SH2D4B: variants seen among roughly 807,000 people sequenced by gnomAD.
SH2D4B encodes SH2 domain containing 4B.
SH2D4B carries 45 observed loss-of-function variants against 61.5 expected under a neutral mutation model. The observed-to-expected ratio is 0.73, with a 90% CI of 0.58 to 0.94. SH2D4B has a LOEUF of 0.94. Ranked by LOEUF, SH2D4B falls within the 40% of genes least tolerant of loss-of-function variation. SH2D4B has a pLI of 0.00. For synonymous variants in SH2D4B, 224 were observed against 220.4 expected, an observed-to-expected ratio of 1.02 and a Z score of -0.14; for missense variants, 572 against 574.2, an observed-to-expected ratio of 1.00 and a Z score of 0.04.
chr10:80,551,619 C>G (rs958261931), intron 1 of SH2D4B, among the ~76,000 whole-genome samples: 3 of 152,052 alleles, frequency 2.0e-5, no homozygotes, highest in Non-Finnish European at 4.4e-5. Context: ...ACTAATAAAC[C>G]ACTTCCACTC....
intron 6 of SH2D4B, among the ~76,000 whole-genome samples, chr10:80,627,518 T>C (rs79298196): frequency 6.6e-6 from 1 of 152,032 alleles, no homozygotes; most frequent in South Asian, 2.1e-4. Context: ...AGTCTAAACA[T>C]CACTTCCGCC....
At chr10:80,636,428 T>C (rs1050440997) in intron 7 of SH2D4B, among the ~76,000 whole-genome samples, 4 of 152,206 alleles carry the variant, frequency 2.6e-5, no homozygotes, top group Admixed American at 2.6e-4. Flanking sequence ...TGTAAAAGTG[T>C]TCCTATTTCT....
chr10:80,538,038 G>A lies in SH2D4B; in HGVS notation c.-294G>A, dbSNP rs915904741. 10 of 188,968 alleles carry A rather than the reference G, an allele frequency of 5.3e-5. No homozygotes were observed. In the East Asian group the frequency reaches 8.5e-4, roughly 16 times the overall value. The allele number at this position is 188,968 out of a possible 1,614,324, so 11.7% of individuals were successfully genotyped here. On this transcript the variant is annotated 5_prime_UTR_variant, in exon 1 of 8. It adds an upstream start codon to the 5' untranslated region. Transcript: ENST00000646907. This position sits in a 1 kb window ranked among gnomAD's most constrained non-coding sequence, Gnocchi z 4.8. ...AAGACATGGGCTCTCCTGGGATGCCGTGCTTGGTGACCCAGGAGAAGGACT... is the reference window on the plus strand; with the variant it reads ...AAGACATGGGCTCTCCTGGGATGCCATGCTTGGTGACCCAGGAGAAGGACT...
At chr10:80,552,143 A>G (rs1841769621) in intron 1 of SH2D4B, among the ~76,000 whole-genome samples, 1 of 152,158 alleles carries the variant, frequency 6.6e-6, no homozygotes, top group Non-Finnish European at 1.5e-5. Flanking sequence ...TAGGGTTTCA[A>G]TGTATGAATT....
intron 1 of SH2D4B, among the ~76,000 whole-genome samples, chr10:80,543,331 C>G (rs949865084): frequency 6.6e-6 from 1 of 152,106 alleles, no homozygotes; most frequent in African/African-American, 2.4e-5. Flanking sequence ...GGGCGGACCC[C>G]GCACTCGGAG....
intron 1 of SH2D4B, among the ~76,000 whole-genome samples, chr10:80,550,403 C>A (rs1197459595): frequency 6.6e-6 from 1 of 152,118 alleles, no homozygotes; most frequent in East Asian, 1.9e-4. Flanking sequence ...ACCATCCTGG[C>A]TAACATGGTG....
intron 6 of SH2D4B, among the ~76,000 whole-genome samples, chr10:80,625,949 A>G (rs1842763721): frequency 6.6e-6 from 1 of 152,278 alleles, no homozygotes; most frequent in South Asian, 2.1e-4. Flanking sequence ...GGCTGACTCT[A>G]TATATCTTTA....
chr10:80,611,403 C>A (rs2132145998), intron 6 of SH2D4B, among the ~76,000 whole-genome samples: 1 of 152,284 alleles, frequency 6.6e-6, no homozygotes, highest in South Asian at 2.1e-4. Flanking sequence ...AGACCTCTTT[C>A]TTCTCCCAGG....
At chr10:80,585,838 GC>G (rs1056064211) in intron 3 of SH2D4B, among the ~76,000 whole-genome samples, 1 of 152,118 alleles carries the variant, frequency 6.6e-6, no homozygotes, top group African/African-American at 2.4e-5. Context: ...GCTGGCCAAG[GC>G]CAGAGCCGGC....
chr10:80,564,515 C>T (rs192045725), intron 1 of SH2D4B, among the ~76,000 whole-genome samples: 70 of 152,308 alleles, frequency 4.6e-4, no homozygotes, highest in Middle Eastern at 6.8e-3. Flanking sequence ...CCTTTGGGTC[C>T]TCCTCCTCTT....
At chr10:80,624,012 T>C (rs987882566) in intron 6 of SH2D4B, among the ~76,000 whole-genome samples, 1 of 152,178 alleles carries the variant, frequency 6.6e-6, no homozygotes, top group Non-Finnish European at 1.5e-5. Context: ...CGACGGGGGC[T>C]GATGGCTCTC....
intron 1 of SH2D4B, among the ~76,000 whole-genome samples, chr10:80,566,090 C>CAAAAAA (rs60774703): frequency 1.3e-4 from 3 of 23,812 alleles, no homozygotes; most frequent in African/African-American, 5.1e-4. Flanking sequence ...GACTCCGGCT[C>CAAAAAA]AAAAAAAAAA....
intron 1 of SH2D4B, among the ~76,000 whole-genome samples, chr10:80,567,554 A>C (rs370550145): frequency 2.0e-5 from 3 of 151,972 alleles, no homozygotes; most frequent in Non-Finnish European, 4.4e-5. Flanking sequence ...AATACCTGTC[A>C]CCCCTAAGGC....
At chr10:80,588,228 T>G (rs1412445983) in intron 3 of SH2D4B, among the ~76,000 whole-genome samples, 1 of 152,072 alleles carries the variant, frequency 6.6e-6, no homozygotes, top group Non-Finnish European at 1.5e-5. Flanking sequence ...AGGTAAGAAA[T>G]ATAACAATGT....
chr10:80,600,738 C>T (rs1229281013), intron 4 of SH2D4B, among the ~76,000 whole-genome samples: 24 of 152,098 alleles, frequency 1.6e-4, no homozygotes, highest in Non-Finnish European at 8.8e-5. Flanking sequence ...CTTTGTGTGA[C>T]AAATGGCTCA....
At chr10:80,581,341 T>A (rs547542429) in intron 3 of SH2D4B, among the ~76,000 whole-genome samples, 2 of 152,318 alleles carry the variant, frequency 1.3e-5, no homozygotes, top group African/African-American at 4.8e-5. Context: ...ATCCACTGTG[T>A]GCCAGTCATT....
Position 80,645,429 on chromosome 10 carries a change from A to G in SH2D4B, c.*1344A>G, listed in dbSNP as rs1287678771. 1 of 152,218 alleles carries G rather than the reference A, an allele frequency of 6.6e-6. No individual in the cohort carries two copies. Among genetic ancestry groups the G allele is most frequent in the East Asian group, 1.9e-4 (1 of 5,200 alleles). The allele number at this position is 152,218 out of a possible 1,614,324, so 9.4% of individuals were successfully genotyped here. Reference sequence around the variant, plus strand: ...CATGCCCCATCTCCCATTGCTGCAGAGGCATAAGACAGAAGAGATGGGAAG... The same window carrying G: ...CATGCCCCATCTCCCATTGCTGCAGGGGCATAAGACAGAAGAGATGGGAAG... On this transcript the variant is annotated 3_prime_UTR_variant, in exon 8 of 8. Transcript: ENST00000646907.
intron 7 of SH2D4B, among the ~76,000 whole-genome samples, chr10:80,641,734 A>G (rs1840314248): frequency 6.6e-6 from 1 of 152,262 alleles, no homozygotes; most frequent in African/African-American, 2.4e-5. Context: ...CACTCAGGAC[A>G]GATTCCAGAG....
intron 3 of SH2D4B, among the ~76,000 whole-genome samples, chr10:80,583,368 GA>G (rs1332979406): frequency 2.6e-5 from 4 of 152,148 alleles, no homozygotes; most frequent in African/African-American, 9.6e-5. Context: ...GGAAGTAGAA[GA>G]AAAAAGACAA....
Sources: allele counts gnomAD v4.1 joint callset (sites outside exome capture counted in the v4.1 genomes callset), GRCh38; gene constraint gnomAD v4.1.1; non-coding constraint Gnocchi (gnomAD v3.1); transcripts MANE v1.5; gene names NCBI Gene and HGNC (gene_info 2026-07-23, HGNC 2026-07-21).